SRGAP2C: variants seen among roughly 807,000 people sequenced by gnomAD.
The protein encoded by SRGAP2C is SLIT-ROBO Rho GTPase-activating protein 2C.
SRGAP2C carries 15 observed loss-of-function variants against 25.1 expected under a neutral mutation model. That is an observed-to-expected ratio of 0.60 (90% CI 0.40 to 0.92). The LOEUF is 0.92. Ranked by LOEUF, SRGAP2C falls within the 40% of genes least tolerant of loss-of-function variation. The probability of loss-of-function intolerance (pLI) is 0.00; values close to 1 mark genes in which losing one functional copy is unlikely to be tolerated. For synonymous variants in SRGAP2C, 44 were observed against 96.6 expected (o/e 0.46, Z 3.19); for missense variants, 144 against 264.4 (o/e 0.54, Z 3.16).
chr1:121,346,625 G>C (rs1387886110), intron 4 of SRGAP2C, among the ~76,000 whole-genome samples: 1 of 152,186 alleles, frequency 6.6e-6, no homozygotes, highest in Non-Finnish European at 1.5e-5. Flanking sequence ...ATAGGGAGTT[G>C]AGCTTTTTGC....
chr1:121,324,593 C>G lies in SRGAP2C; in HGVS notation c.376C>G (p.Pro126Ala). The G allele has an allele frequency of 1.3e-6, 2 of 1,499,770 alleles. No individual in the cohort carries two copies. The highest frequency in any genetic ancestry group is 1.9e-6 in the Non-Finnish European group (2 of 1,076,048). The allele number at this position is 1,499,770 out of a possible 1,614,324, so 92.9% of individuals were successfully genotyped here. A position where few individuals can be genotyped will look rare whatever the true frequency, so the allele number is the denominator to read the frequency against. Residue 126 changes from proline to alanine, a missense_variant, in exon 4 of 10, where the codon CCT becomes GCT. Coordinates refer to ENST00000367123, the MANE Select transcript of SRGAP2C (RefSeq NM_001329984.2). ...LSDIYLNNII[P>A]RFVQVSEDSG... Reference sequence around the variant, plus strand: ...TGACATCTACCTGAATAATATCATTCCTCGATTTGTACAAGTCAGCGAGGA... The same window carrying G: ...TGACATCTACCTGAATAATATCATTGCTCGATTTGTACAAGTCAGCGAGGA...
intron 4 of SRGAP2C, among the ~76,000 whole-genome samples, chr1:121,345,649 CTTT>C (rs782110661): frequency 1.0e-5 from 1 of 95,764 alleles, no homozygotes; most frequent in African/African-American, 4.2e-5. Context: ...GGTTGCTCTT[CTTT>C]TTTTTTTTTT....
At chr1:121,286,003 G>T (rs1447451581) in intron 3 of SRGAP2C, among the ~76,000 whole-genome samples, 2 of 152,064 alleles carry the variant, frequency 1.3e-5, no homozygotes, top group Non-Finnish European at 2.9e-5. Context: ...AAAAAAAATT[G>T]CAAAAAAAGT....
chr1:121,337,681 AAAAGG>A (rs1369812054), intron 4 of SRGAP2C, among the ~76,000 whole-genome samples: 10 of 146,892 alleles, frequency 6.8e-5, no homozygotes, highest in Admixed American at 4.1e-4. Context: ...CCTCTCTGAG[AAAAGG>A]AGAGGATTGT....
intron 3 of SRGAP2C, among the ~76,000 whole-genome samples, chr1:121,313,915 C>G (rs1407388684): frequency 7.1e-6 from 1 of 141,300 alleles, no homozygotes; most frequent in Non-Finnish European, 1.5e-5. Context: ...TCGAGTTGCT[C>G]TTCTTCAGGA....
intron 1 of SRGAP2C, among the ~76,000 whole-genome samples, chr1:121,186,298 C>T (rs1358692989): frequency 2.6e-5 from 2 of 77,446 alleles, no homozygotes; most frequent in East Asian, 5.3e-4. Flanking sequence ...CCGACCCTAT[C>T]CTCTAACCCG....
intron 3 of SRGAP2C, among the ~76,000 whole-genome samples, chr1:121,295,824 C>T (rs1311755147): frequency 4.0e-5 from 6 of 151,844 alleles, no homozygotes; most frequent in Admixed American, 1.3e-4. Context: ...TGCAATGGCA[C>T]GATCTCAGCT....
chr1:121,324,098 C>T (rs1658269084), intron 3 of SRGAP2C, among the ~76,000 whole-genome samples: 1 of 151,858 alleles, frequency 6.6e-6, no homozygotes, highest in Non-Finnish European at 1.5e-5. Flanking sequence ...GACAACCTCT[C>T]TGAGCTTCAG....
In SRGAP2C at chr1:121,268,124, A is replaced by G. The variant is rs1439345437; in HGVS notation, c.68-16679A>G. The stretch of plus-strand genomic sequence containing the variant: ...CACTCTAGTGGGAGGAGAAAATGAT[A>G]AACACCTAAATAGATTTACAAGTGG... On this transcript the variant is annotated intron_variant, in intron 2 of 9. Transcript: ENST00000367123. 1.4e-5 allele frequency among the ~76,000 whole-genome samples: 2 copies of G among 148,048 alleles called. 1 individual carries two copies. Among genetic ancestry groups the G allele is most frequent in the Non-Finnish European group, 3.0e-5 (2 of 66,788 alleles).
intron 3 of SRGAP2C, 90 bp downstream of exon 3, chr1:121,285,085 A>G: frequency 2.0e-6 from 1 of 501,646 alleles, no homozygotes; most frequent in Non-Finnish European, 3.4e-6. Flanking sequence ...GATCCAGCTG[A>G]ATTCAGGAGC....
At chr1:121,239,848 A>G (rs1331097671) in intron 2 of SRGAP2C, among the ~76,000 whole-genome samples, 1 of 152,296 alleles carries the variant, frequency 6.6e-6, no homozygotes, top group Non-Finnish European at 1.5e-5. Context: ...TCTGGCCTTT[A>G]TAGAAAGAGT....
intron 3 of SRGAP2C, among the ~76,000 whole-genome samples, chr1:121,314,737 C>T (rs1481766925): frequency 1.5e-4 from 23 of 151,484 alleles, no homozygotes; most frequent in South Asian, 2.1e-4. Context: ...TTAGGCTGCT[C>T]GGGGGTCAGG....
At chr1:121,314,287 AAGCACTTC>A (rs1658041457) in intron 3 of SRGAP2C, among the ~76,000 whole-genome samples, 1 of 145,720 alleles carries the variant, frequency 6.9e-6, no homozygotes, top group Admixed American at 6.9e-5. Context: ...CAGCTCCTTT[AAGCACTTC>A]TCTGTATTGG....
intron 2 of SRGAP2C, among the ~76,000 whole-genome samples, chr1:121,232,657 T>C (rs1274152721): frequency 6.6e-6 from 1 of 151,640 alleles, no homozygotes; most frequent in South Asian, 2.1e-4. Flanking sequence ...ACTTTCATAG[T>C]TTACACTGAC....
chr1:121,370,462 G>C (rs1177249634), intron 5 of SRGAP2C, among the ~76,000 whole-genome samples: 4 of 107,926 alleles, frequency 3.7e-5, no homozygotes, highest in Non-Finnish European at 3.6e-5. Context: ...TTTTTTTTGA[G>C]ATGGAGTCTC....
At chr1:121,255,450 C>T (rs1187791910) in intron 2 of SRGAP2C, among the ~76,000 whole-genome samples, 1 of 151,728 alleles carries the variant, frequency 6.6e-6, no homozygotes, top group Admixed American at 6.6e-5. Context: ...TTTTCTATCC[C>T]TTCATTCCGT....
At chr1:121,275,680 T>C (rs1418917896) in intron 2 of SRGAP2C, among the ~76,000 whole-genome samples, 6 of 151,396 alleles carry the variant, frequency 4.0e-5, no homozygotes, top group Non-Finnish European at 8.9e-5. Flanking sequence ...TATGAGATTG[T>C]CTTCTGTGCA....
intron 2 of SRGAP2C, among the ~76,000 whole-genome samples, chr1:121,275,545 T>C: frequency 9.9e-6 from 1 of 100,536 alleles, no homozygotes; most frequent in Middle Eastern, 4.6e-3. Flanking sequence ...TACTTTGGCA[T>C]TTGATGTGGC....
intron 2 of SRGAP2C, among the ~76,000 whole-genome samples, chr1:121,204,085 G>T (rs1655057060): frequency 1.2e-5 from 1 of 83,058 alleles, no homozygotes; most frequent in South Asian, 3.1e-4. Context: ...TACTCTGGAG[G>T]CTGAGGCAGG....
Sources: gnomAD v4.1 joint callset for allele counts (sites outside exome capture counted in the v4.1 genomes callset) on GRCh38, gnomAD v4.1.1 for gene constraint, MANE v1.5 for transcripts, NCBI Gene and HGNC (gene_info 2026-07-23, HGNC 2026-07-21) for gene names.